Variants in IP6K1 observed in about 807,000 individuals in gnomAD.
IP6K1 encodes ATP:1D-myo-inositol-hexakisphosphate phosphotransferase.
IP6K1 carries 13 observed loss-of-function variants against 38.3 expected under a neutral mutation model. That is an observed-to-expected ratio of 0.34 (90% CI 0.22 to 0.54). The LOEUF (loss-of-function observed/expected upper bound fraction) is 0.54, where lower values mean the gene tolerates loss of function less well. Ranked by LOEUF, IP6K1 falls within the 20% of genes least tolerant of loss-of-function variation. The probability of loss-of-function intolerance (pLI) is 0.92; values close to 1 mark genes in which losing one functional copy is unlikely to be tolerated. For missense variants in IP6K1, 397 were observed against 599.8 expected (o/e 0.66, Z 3.53); for synonymous variants, 212 against 229.9 (o/e 0.92, Z 0.70).
chr3:49,773,334 G>A (rs1205394867), intron 1 of IP6K1, among the ~76,000 whole-genome samples: 1 of 152,186 alleles, frequency 6.6e-6, no homozygotes, highest in Non-Finnish European at 1.5e-5. Context: ...ATACTGGCCG[G>A]GCGCGGTGGC....
chr3:49,750,599 C>G (rs982505964), intron 1 of IP6K1, among the ~76,000 whole-genome samples: 2 of 151,998 alleles, frequency 1.3e-5, no homozygotes, highest in Non-Finnish European at 2.9e-5. Context: ...ACTTGGGAAG[C>G]TGAGGCACAA....
chr3:49,745,750 G>A (rs923518724), intron 2 of IP6K1, among the ~76,000 whole-genome samples: 1 of 151,798 alleles, frequency 6.6e-6, no homozygotes. Context: ...AGCTACTTGG[G>A]AGGCTGAGGC....
Position 49,725,381 on chromosome 3 carries a change from A to G in IP6K1, c.*1741T>C, listed in dbSNP as rs1380547216. 1 of 152,294 alleles carries G rather than the reference A, an allele frequency of 6.6e-6. No homozygotes were observed. The highest frequency in any genetic ancestry group is 1.5e-5 in the Non-Finnish European group (1 of 68,082). 9.4% of individuals were successfully genotyped at this position (152,294 alleles called of 1,614,324 possible). A position where few individuals can be genotyped will look rare whatever the true frequency, so the allele number is the denominator to read the frequency against. ...GCCACAGAATGGTACAGGAGAGAAG[A>G]CTGTAATTTGTGACCAGAAACAGGC... On this transcript the variant is annotated 3_prime_UTR_variant, in exon 6 of 6. Coordinates refer to ENST00000321599, the MANE Select transcript of IP6K1 (RefSeq NM_153273.4).
intron 1 of IP6K1, among the ~76,000 whole-genome samples, chr3:49,766,980 A>G (rs1021017945): frequency 2.7e-5 from 4 of 150,846 alleles, no homozygotes; most frequent in Non-Finnish European, 4.4e-5. Flanking sequence ...AAAAAAAAAA[A>G]AAAAAAAGAA....
intron 1 of IP6K1, among the ~76,000 whole-genome samples, chr3:49,777,424 G>A (rs978461205): frequency 7.3e-5 from 11 of 151,696 alleles, no homozygotes; most frequent in South Asian, 2.1e-4. Flanking sequence ...TTAGCCGGGC[G>A]TGGTGGCACA....
chr3:49,754,056 T>G (rs1309865890), intron 1 of IP6K1, among the ~76,000 whole-genome samples: 2 of 152,058 alleles, frequency 1.3e-5, no homozygotes, highest in East Asian at 3.9e-4. Context: ...GGCAAACACA[T>G]AAATAATCTC....
At chr3:49,782,359 C>T (rs1012927255) in intron 1 of IP6K1, among the ~76,000 whole-genome samples, 6 of 151,904 alleles carry the variant, frequency 3.9e-5, no homozygotes, top group African/African-American at 1.2e-4. Context: ...TTAGTAGAGA[C>T]GGTTTTTCAC....
At chr3:49,729,542 G>C (rs1427192307) in intron 4 of IP6K1, among the ~76,000 whole-genome samples, 1 of 150,842 alleles carries the variant, frequency 6.6e-6, no homozygotes, top group Non-Finnish European at 1.5e-5. Flanking sequence ...CGGTAGCTGG[G>C]ATTACAGGCA....
At chr3:49,782,782 G>C (rs1362052709) in intron 1 of IP6K1, among the ~76,000 whole-genome samples, 1 of 151,712 alleles carries the variant, frequency 6.6e-6, no homozygotes, top group Non-Finnish European at 1.5e-5. Context: ...CTACACTCCA[G>C]CCTAGGAGGT....
At chr3:49,759,646 T>C (rs2080851706) in intron 1 of IP6K1, among the ~76,000 whole-genome samples, 1 of 152,266 alleles carries the variant, frequency 6.6e-6, no homozygotes, top group African/African-American at 2.4e-5. Context: ...ATCATGTAGA[T>C]AAAGATTTTA....
At chr3:49,760,953 T>C (rs1255512880) in intron 1 of IP6K1, among the ~76,000 whole-genome samples, 1 of 152,194 alleles carries the variant, frequency 6.6e-6, no homozygotes, top group Non-Finnish European at 1.5e-5. Context: ...AAAACACTTT[T>C]CAAATATATG....
intron 3 of IP6K1, among the ~76,000 whole-genome samples, chr3:49,734,404 T>C (rs1474607579): frequency 7.0e-6 from 1 of 142,682 alleles, no homozygotes. Flanking sequence ...CTTTTTTTTT[T>C]TTTTTTTTTT....
At chr3:49,740,686 ATTC>A (rs1318266909) in intron 2 of IP6K1, among the ~76,000 whole-genome samples, 1 of 152,042 alleles carries the variant, frequency 6.6e-6, no homozygotes, top group African/African-American at 2.4e-5. Context: ...TCAGAACTTC[ATTC>A]TTTTTTATGG....
At chr3:49,773,784 T>C (rs2080981228) in intron 1 of IP6K1, among the ~76,000 whole-genome samples, 1 of 152,148 alleles carries the variant, frequency 6.6e-6, no homozygotes. Context: ...CAAAATAGCC[T>C]ATGTATATCC....
intron 2 of IP6K1, among the ~76,000 whole-genome samples, chr3:49,742,360 T>G (rs1575309942): frequency 6.6e-6 from 1 of 151,884 alleles, no homozygotes; most frequent in East Asian, 1.9e-4. Flanking sequence ...CCATCCTGGC[T>G]AACACGGTGA....
At chr3:49,747,775 A>G (rs759851589) in intron 2 of IP6K1, 43 bp downstream of exon 2, 2 of 1,611,722 alleles carry the variant, frequency 1.2e-6, no homozygotes, top group African/African-American at 1.3e-5. Flanking sequence ...AGGGGTCTAT[A>G]AGCCCAAGGC....
rs1366007599 is a variant in IP6K1 at position 49,724,301 on chromosome 3, C to T, written c.*2821G>A. ...CACAAAGACAGACTCGCCTCCGTTT[C>T]TAGCGGCTTTATTTTTGACATACAC... is the stretch of plus-strand genomic sequence containing the variant. On this transcript the variant is annotated 3_prime_UTR_variant, in exon 6 of 6. Transcript: ENST00000321599. 6.6e-6 allele frequency: 1 copy of T among 152,438 alleles called. No individual in the cohort carries two copies. The highest frequency in any genetic ancestry group is 2.4e-5 in the African/African-American group (1 of 41,480). The allele number at this position is 152,438 out of a possible 1,614,324, so 9.4% of individuals were successfully genotyped here. A position where few individuals can be genotyped will look rare whatever the true frequency, so the allele number is the denominator to read the frequency against.
intron 3 of IP6K1, 52 bp from the exon 4 acceptor site, chr3:49,733,024 T>C (rs2080577604): frequency 7.0e-7 from 1 of 1,434,080 alleles, no homozygotes. Context: ...AGTCATCCTC[T>C]GGGGTCCCGC....
At chr3:49,756,830 A>AG (rs2080827574) in intron 1 of IP6K1, among the ~76,000 whole-genome samples, 2 of 148,668 alleles carry the variant, frequency 1.3e-5, no homozygotes, top group Admixed American at 1.4e-4. Context: ...AAAAAAAAAA[A>AG]AAAAAAAAAA....
Sources: gnomAD v4.1 joint callset for allele counts (sites outside exome capture counted in the v4.1 genomes callset) on GRCh38, gnomAD v4.1.1 for gene constraint, MANE v1.5 for transcripts, NCBI Gene and HGNC (gene_info 2026-07-23, HGNC 2026-07-21) for gene names.